The following DNAH9 variants were observed in gnomAD, a reference collection of about 807,000 sequenced individuals.
The protein encoded by DNAH9 is DNAH9 variant protein.
In DNAH9, 345 loss-of-function variants were observed where a neutral mutation model predicts 471.6. The observed-to-expected ratio is 0.73, with a 90% CI of 0.67 to 0.80. The LOEUF (loss-of-function observed/expected upper bound fraction) is 0.80. Ranked by LOEUF, DNAH9 falls within the 30% of genes least tolerant of loss-of-function variation. The probability of loss-of-function intolerance (pLI) is 0.00; values close to 1 mark genes in which losing one functional copy is unlikely to be tolerated. For synonymous variants in DNAH9, 2,093 were observed against 2,123.6 expected (o/e 0.99, Z 0.40); for missense variants, 5,407 against 5,609.2 (o/e 0.96, Z 1.15).
chr17:11,858,672 G>T (rs1037147352), intron 50 of DNAH9, among the ~76,000 whole-genome samples: 1 of 152,036 alleles, frequency 6.6e-6, no homozygotes, highest in African/African-American at 2.4e-5. Flanking sequence ...GTATCTTATT[G>T]AGGCAGTTGA....
rs1453873604 is a variant in DNAH9, at chr17:11,617,635, G to T, written c.1116+13G>T. 2.5e-6 allele frequency: 4 copies of T among 1,606,436 alleles called. No individual in the cohort carries two copies. The highest frequency in any genetic ancestry group is 3.4e-6 in the Non-Finnish European group (4 of 1,173,690). ...TCTCATCCAGCAGGTGGGCTGCCCT[G>T]GGATGCCCAGCAACTGCTCCCTGGG... On this transcript the variant is annotated intron_variant, in intron 5 of 68. Coordinates refer to ENST00000262442, the MANE Select transcript of DNAH9 (RefSeq NM_001372.4).
intron 30 of DNAH9, among the ~76,000 whole-genome samples, chr17:11,743,897 T>G (rs2075471378): frequency 6.6e-6 from 1 of 151,610 alleles, no homozygotes; most frequent in South Asian, 2.1e-4. Flanking sequence ...TGGCGTGATC[T>G]CGGCTCGCTG....
chr17:11,892,011 T>TCA lies in DNAH9; in HGVS notation c.11283+64_11283+65insCA. The stretch of plus-strand genomic sequence containing the variant: ...TTTTTAGTGCCCAGACAGCAGGTGT[T>TCA]AAGAAACTTTCTTCTTTGAACATCA... On this transcript the variant is annotated intron_variant, in intron 58 of 68. Transcript: ENST00000262442. The surrounding 1 kb of genome is among the most constrained non-coding windows in gnomAD (Gnocchi z 4.3). 1 of 1,566,474 alleles carries TCA rather than the reference T, an allele frequency of 6.4e-7. No individual in the cohort carries two copies.
chr17:11,603,564 TGAG>T (rs1471402824), intron 1 of DNAH9, among the ~76,000 whole-genome samples: 1 of 152,174 alleles, frequency 6.6e-6, no homozygotes, highest in Non-Finnish European at 1.5e-5. Context: ...CACACATTCC[TGAG>T]GAGATCACTC....
chr17:11,809,910 C>CCT (rs1969828689), intron 44 of DNAH9, among the ~76,000 whole-genome samples: 1 of 152,074 alleles, frequency 6.6e-6, no homozygotes, highest in Admixed American at 6.5e-5. Context: ...AAAGCTGTAA[C>CCT]CTCTTTGCAC....
intron 6 of DNAH9, among the ~76,000 whole-genome samples, chr17:11,627,310 A>T (rs1345956642): frequency 2.0e-5 from 3 of 152,250 alleles, no homozygotes; most frequent in Non-Finnish European, 4.4e-5. Flanking sequence ...TCACCTCCCT[A>T]GACCATGCTT....
intron 58 of DNAH9, among the ~76,000 whole-genome samples, chr17:11,893,462 A>C (rs1973124993): frequency 6.6e-6 from 1 of 151,986 alleles, no homozygotes; most frequent in Admixed American, 6.6e-5. Flanking sequence ...CTTGGAACCA[A>C]CCCACATGCC....
chr17:11,655,451 G>C (rs541415188), intron 14 of DNAH9, among the ~76,000 whole-genome samples: 1 of 151,548 alleles, frequency 6.6e-6, no homozygotes, highest in South Asian at 2.1e-4. Flanking sequence ...TGGAGCTTCT[G>C]TTCAGTGGTT....
intron 48 of DNAH9, among the ~76,000 whole-genome samples, chr17:11,827,044 C>G (rs1265716218): frequency 6.6e-6 from 1 of 152,036 alleles, no homozygotes; most frequent in Non-Finnish European, 1.5e-5. Flanking sequence ...AGGATTGTCT[C>G]AATCTCTTAA....
chr17:11,815,563 C>T (rs529200995), intron 45 of DNAH9, among the ~76,000 whole-genome samples: 12 of 152,088 alleles, frequency 7.9e-5, no homozygotes, highest in African/African-American at 1.9e-4. Context: ...CCAAGATGGG[C>T]GGGTCACTTG....
intron 35 of DNAH9, among the ~76,000 whole-genome samples, chr17:11,762,785 T>TG (rs1967758554): frequency 1.4e-4 from 19 of 135,608 alleles, no homozygotes; most frequent in Admixed American, 6.3e-4. Flanking sequence ...TTTTTTTTTT[T>TG]TTTTTTTTTT....
chr17:11,807,903 T>A lies in DNAH9; in HGVS notation c.8583+9T>A, dbSNP rs1969752572. 1 of 1,594,262 alleles carries A rather than the reference T, an allele frequency of 6.3e-7. No homozygotes were observed. Among genetic ancestry groups the A allele is most frequent in the East Asian group, 2.3e-5 (1 of 44,352 alleles). On this transcript the variant is annotated intron_variant, in intron 44 of 68. Coordinates refer to ENST00000262442, the MANE Select transcript of DNAH9 (RefSeq NM_001372.4). ...AGATCCAGGACTTCAAGGTAAAAGG[T>A]CAGGCAGCTGCAGGGAGGAGGCTCA...
chr17:11,610,505 C>T lies in DNAH9; in HGVS notation c.724C>T (p.Gln242Ter), dbSNP rs762905742. 6.2e-7 allele frequency: 1 copy of T among 1,613,336 alleles called. No individual in the cohort carries two copies. The highest frequency in any genetic ancestry group is 8.5e-7 in the Non-Finnish European group (1 of 1,179,934). The change falls in exon 3 of 69, where the codon CAA becomes TAA. Residue 242 changes from glutamine to a stop codon, truncating the protein, a stop_gained. Coordinates refer to ENST00000262442, the MANE Select transcript of DNAH9 (RefSeq NM_001372.4). LOFTEE classifies it high-confidence loss of function. The part of the protein sequence containing the change: ...LKRESSQPLL[Q>*]GENPTPKVEL... ...GAGAGAGTCTTCCCAGCCACTCTTA[C>T]AAGGGGAGAATCCCACCCCTAAGGT...
chr17:11,612,619 A>C (rs1275862922), intron 4 of DNAH9: 1 of 152,168 alleles, frequency 6.6e-6, no homozygotes, highest in East Asian at 1.9e-4. Context: ...GACAAGATCT[A>C]CGCTTATCAA....
chr17:11,689,764 C>A lies in DNAH9; in HGVS notation c.3942C>A (p.Ser1314=), dbSNP rs756165694. Reference sequence around the variant, plus strand: ...GGGACACCATTGGAATGGTGACCTCCAGCATCCATGCCTGGGAGACCACAC... The same window carrying A: ...GGGACACCATTGGAATGGTGACCTCAAGCATCCATGCCTGGGAGACCACAC... ...ELWDTIGMVT[S]SIHAWETTPW... Residue 1314 remains serine (S), a synonymous_variant, in exon 20 of 69, where the codon TCC becomes TCA. Transcript: ENST00000262442. 1 of 1,614,190 alleles carries A rather than the reference C, an allele frequency of 6.2e-7. No individual in the cohort carries two copies. Among genetic ancestry groups the A allele is most frequent in the Non-Finnish European group, 8.5e-7 (1 of 1,180,014 alleles).
At chr17:11,627,869 C>T (rs562894901) in intron 6 of DNAH9, among the ~76,000 whole-genome samples, 1 of 152,186 alleles carries the variant, frequency 6.6e-6, no homozygotes, top group Non-Finnish European at 1.5e-5. Context: ...CCCCACTTCC[C>T]AGCGCCTCTG....
intron 12 of DNAH9, among the ~76,000 whole-genome samples, chr17:11,648,705 G>A (rs924346608): frequency 1.3e-5 from 2 of 151,848 alleles, no homozygotes; most frequent in African/African-American, 4.8e-5. Context: ...GGGGGGTAGG[G>A]ATAAATATTA....
rs139376911 is a variant in DNAH9 at position 11,693,744 on chromosome 17, G to A, written c.4615-124G>A. ...AGCTTAAACTAAGGGTGTTTCCTTC[G>A]TTGAGTCTATTCTCTGTATTTGACA... On this transcript the variant is annotated intron_variant, in intron 20 of 68. Transcript: ENST00000262442. The A allele has an allele frequency of 5.8e-4, 598 of 1,030,726 alleles. 2 individuals carry two copies. The East Asian group carries it at 8.1e-3, about 14-fold the overall frequency. 63.8% of individuals were successfully genotyped at this position (1,030,726 alleles called of 1,614,324 possible).
intron 64 of DNAH9, among the ~76,000 whole-genome samples, chr17:11,933,669 C>T (rs564957483): frequency 1.4e-4 from 22 of 152,238 alleles, no homozygotes; most frequent in East Asian, 9.7e-4. Flanking sequence ...CGTGAGCCAC[C>T]GCGCCCGGCC....
Sources: gnomAD v4.1 joint callset for allele counts (sites outside exome capture counted in the v4.1 genomes callset) on GRCh38, gnomAD v4.1.1 for gene constraint, Gnocchi (gnomAD v3.1) non-coding constraint, MANE v1.5 for transcripts, NCBI Gene and HGNC (gene_info 2026-07-23, HGNC 2026-07-21) for gene names.